The following CNTN4 variants were observed in gnomAD, a reference collection of about 807,000 sequenced individuals.
CNTN4 encodes contactin-4.
CNTN4 carries 77 observed loss-of-function variants against 122.5 expected under a neutral mutation model. The ratio of observed to expected loss-of-function variants is 0.63; its 90% CI spans 0.52 to 0.76. CNTN4 has a LOEUF of 0.76. Ranked by LOEUF, CNTN4 falls within the 30% of genes least tolerant of loss-of-function variation. The pLI is 0.00. For missense variants in CNTN4, 1,256 were observed against 1,259.1 expected, an observed-to-expected ratio of 1.00 and a Z score of 0.04; for synonymous variants, 512 against 447.0, an observed-to-expected ratio of 1.15 and a Z score of -1.83.
At chr3:2,589,917 G>T (rs746479911) in intron 4 of CNTN4, among the ~76,000 whole-genome samples, 2 of 152,214 alleles carry the variant, frequency 1.3e-5, no homozygotes, top group Non-Finnish European at 2.9e-5. Context: ...GCTTGTTGCA[G>T]AAGTCACAGT....
intron 4 of CNTN4, among the ~76,000 whole-genome samples, chr3:2,660,536 C>G (rs2083835366): frequency 1.3e-5 from 2 of 152,120 alleles, no homozygotes; most frequent in Non-Finnish European, 2.9e-5. Flanking sequence ...TTAACCCTGC[C>G]ATTAATTGGC....
intron 2 of CNTN4, among the ~76,000 whole-genome samples, chr3:2,249,990 T>C (rs1273084846): frequency 6.6e-6 from 1 of 151,876 alleles, no homozygotes; most frequent in African/African-American, 2.4e-5. Context: ...GATTTTAAAA[T>C]AAGAAAGCTC....
chr3:2,991,354 G>A (rs1695034170), intron 14 of CNTN4, among the ~76,000 whole-genome samples: 1 of 152,208 alleles, frequency 6.6e-6, no homozygotes, highest in Non-Finnish European at 1.5e-5. Context: ...TAGAATTCAT[G>A]TGTTTCCAAG....
chr3:2,501,885 A>G (rs542345145), intron 3 of CNTN4, among the ~76,000 whole-genome samples: 1 of 152,206 alleles, frequency 6.6e-6, no homozygotes, highest in Non-Finnish European at 1.5e-5. Context: ...ACATGGGTGC[A>G]TGAGATCCTG....
At chr3:2,437,108 T>C (rs949661031) in intron 3 of CNTN4, among the ~76,000 whole-genome samples, 1 of 152,146 alleles carries the variant, frequency 6.6e-6, no homozygotes, top group African/African-American at 2.4e-5. Context: ...TTGAACTTTT[T>C]TTCTGCTTTC....
At chr3:2,671,581 C>G (rs181861666) in intron 4 of CNTN4, among the ~76,000 whole-genome samples, 3 of 152,114 alleles carry the variant, frequency 2.0e-5, no homozygotes, top group African/African-American at 7.3e-5. Flanking sequence ...AAGCCTTCTT[C>G]TCTCAACTCA....
intron 4 of CNTN4, among the ~76,000 whole-genome samples, chr3:2,623,319 G>A (rs2082062934): frequency 7.3e-6 from 1 of 136,868 alleles, no homozygotes; most frequent in Admixed American, 7.4e-5. Context: ...ATATATTTTT[G>A]TCATTTTAAC....
intron 3 of CNTN4, among the ~76,000 whole-genome samples, chr3:2,552,831 T>C (rs2078566358): frequency 6.6e-6 from 1 of 152,116 alleles, no homozygotes; most frequent in South Asian, 2.1e-4. Flanking sequence ...AATTGGGAGA[T>C]GTGTTCAGAA....
At chr3:2,599,460 C>T (rs1403314159) in intron 4 of CNTN4, among the ~76,000 whole-genome samples, 1 of 152,106 alleles carries the variant, frequency 6.6e-6, no homozygotes, top group Non-Finnish European at 1.5e-5. Context: ...ATGCCTTTTT[C>T]TTCATTCTTT....
intron 6 of CNTN4, among the ~76,000 whole-genome samples, chr3:2,795,341 C>G (rs1213854254): frequency 7.9e-5 from 12 of 152,128 alleles, no homozygotes; most frequent in Non-Finnish European, 2.9e-5. Flanking sequence ...CCTCTCTTCT[C>G]TCCAAAAAAC....
At chr3:2,869,151 A>C (rs1050418692) in intron 8 of CNTN4, among the ~76,000 whole-genome samples, 10 of 152,212 alleles carry the variant, frequency 6.6e-5, no homozygotes, top group Admixed American at 1.3e-4. Context: ...AGCAGATTTT[A>C]CTTCGAGTGC....
At chr3:3,053,536 T>C (rs1479238296) in intron 23 of CNTN4, among the ~76,000 whole-genome samples, 1 of 152,018 alleles carries the variant, frequency 6.6e-6, no homozygotes, top group Admixed American at 6.6e-5. Context: ...TTCCCAAGAG[T>C]GTCAACTGAG....
chr3:2,521,210 G>A (rs2077199783), intron 3 of CNTN4, among the ~76,000 whole-genome samples: 1 of 151,904 alleles, frequency 6.6e-6, no homozygotes, highest in African/African-American at 2.4e-5. Context: ...AAATTATGTG[G>A]GCCTAGAATA....
chr3:2,629,974 G>C (rs2082359889), intron 4 of CNTN4, among the ~76,000 whole-genome samples: 1 of 152,054 alleles, frequency 6.6e-6, no homozygotes, highest in African/African-American at 2.4e-5. Context: ...TCTTTACCTG[G>C]AGCCAGAAAA....
chr3:2,809,448 T>G (rs1004437706), intron 6 of CNTN4, among the ~76,000 whole-genome samples: 4 of 152,080 alleles, frequency 2.6e-5, no homozygotes, highest in Admixed American at 2.0e-4. Flanking sequence ...AGGAGGGAAG[T>G]GGCAGGGAGC....
intron 12 of CNTN4, among the ~76,000 whole-genome samples, chr3:2,913,161 CAAATT>C (rs1160965235): frequency 6.6e-6 from 1 of 151,846 alleles, no homozygotes; most frequent in Admixed American, 6.6e-5. Flanking sequence ...CAAAAATAAA[CAAATT>C]AAATAAATAA....
At chr3:2,251,457 C>G (rs1419479274) in intron 2 of CNTN4, among the ~76,000 whole-genome samples, 1 of 151,844 alleles carries the variant, frequency 6.6e-6, no homozygotes, top group East Asian at 1.9e-4. Flanking sequence ...ACAGGGCTTT[C>G]AGGGATGCAT....
chr3:2,555,718 A>G (rs1411892814), intron 3 of CNTN4, among the ~76,000 whole-genome samples: 2 of 152,194 alleles, frequency 1.3e-5, no homozygotes, highest in Non-Finnish European at 1.5e-5. Flanking sequence ...CAACTCTAAT[A>G]TAGATTTATG....
intron 3 of CNTN4, among the ~76,000 whole-genome samples, chr3:2,381,446 G>T (rs1234977296): frequency 6.6e-6 from 1 of 152,122 alleles, no homozygotes; most frequent in African/African-American, 2.4e-5. Context: ...CTGCACTTAG[G>T]TCTCTTACTT....
Sources: gnomAD v4.1 joint callset for allele counts (sites outside exome capture counted in the v4.1 genomes callset) on GRCh38, gnomAD v4.1.1 for gene constraint, MANE v1.5 for transcripts, NCBI Gene and HGNC (gene_info 2026-07-23, HGNC 2026-07-21) for gene names.